Variants in GLT1D1 observed in about 807,000 individuals in gnomAD.
GLT1D1 encodes the protein glycosyltransferase 1 domain containing 1, also known as glycosyltransferase 1 domain-containing protein 1.
GLT1D1 carries 21 observed loss-of-function variants against 28.7 expected under a neutral mutation model. The observed-to-expected ratio is 0.73, with a 90% CI of 0.52 to 1.05. The LOEUF is 1.05. Among genes scored for constraint, GLT1D1 ranks in the 50% least tolerant of loss-of-function variants. The pLI is 0.00. For missense variants in GLT1D1, 343 were observed against 330.6 expected (o/e 1.04, Z -0.29); for synonymous variants, 147 against 124.8 (o/e 1.18, Z -1.19).
chr12:128,902,755 AAAT>A (rs1870422999), intron 4 of GLT1D1, among the ~76,000 whole-genome samples: 1 of 151,604 alleles, frequency 6.6e-6, no homozygotes, highest in Non-Finnish European at 1.5e-5. Context: ...GACATTAAAG[AAAT>A]AATTGCCAGG....
intron 1 of GLT1D1, among the ~76,000 whole-genome samples, chr12:128,862,574 G>A (rs1362557498): frequency 1.3e-5 from 2 of 152,178 alleles, no homozygotes; most frequent in Non-Finnish European, 2.9e-5. Flanking sequence ...GCCCAGGGAA[G>A]TTGAGGCTGT....
chr12:128,936,298 G>C (rs2135469891), intron 4 of GLT1D1, among the ~76,000 whole-genome samples: 1 of 152,030 alleles, frequency 6.6e-6, no homozygotes, highest in South Asian at 2.1e-4. Flanking sequence ...GGGACTACAG[G>C]CACCCGCCAC....
At chr12:128,905,682 T>A (rs903408897) in intron 4 of GLT1D1, among the ~76,000 whole-genome samples, 1 of 152,224 alleles carries the variant, frequency 6.6e-6, no homozygotes, top group African/African-American at 2.4e-5. Flanking sequence ...ACATTGTACC[T>A]ACTTTGTAAA....
intron 1 of GLT1D1, among the ~76,000 whole-genome samples, chr12:128,857,800 C>T (rs1456944448): frequency 1.3e-5 from 2 of 152,166 alleles, no homozygotes. Flanking sequence ...AGAAGGGGTT[C>T]TATTCTTGCA....
intron 6 of GLT1D1, among the ~76,000 whole-genome samples, chr12:128,953,663 G>T (rs1055845274): frequency 6.6e-6 from 1 of 151,808 alleles, no homozygotes; most frequent in Non-Finnish European, 1.5e-5. Context: ...AGTGAATTTT[G>T]TGTGTGTGGA....
rs1566101339 is a variant in GLT1D1, at chr12:128,883,588, T to TA, written c.218-5051_218-5050insA. ...CTGGGCGACAGAGCTAGACTCCATC[T>TA]CAAAAAAAAAAAAAAAAAAAAGTAG... is the stretch of plus-strand genomic sequence containing the variant. On this transcript the variant is annotated intron_variant, in intron 2 of 7. Transcript: ENST00000281703. Among the ~76,000 whole-genome samples, 703 of 91,122 alleles carry TA rather than the reference T, an allele frequency of 7.7e-3. 3 individuals are homozygous for TA. Among genetic ancestry groups the TA allele is most frequent in the African/African-American group, 0.034 (660 of 19,524 alleles). The allele number at this position is 91,122 out of a possible 152,430, so 59.8% of individuals were successfully genotyped here.
intron 7 of GLT1D1, among the ~76,000 whole-genome samples, chr12:128,970,784 C>G (rs1014438971): frequency 6.6e-6 from 1 of 152,230 alleles, no homozygotes; most frequent in Non-Finnish European, 1.5e-5. Context: ...TGGGTTTCCT[C>G]TGTCCCCGCA....
intron 7 of GLT1D1, among the ~76,000 whole-genome samples, chr12:128,964,878 A>G (rs11613790): frequency 0.1 from 15,351 of 152,210 alleles, 1,013 homozygotes; most frequent in East Asian, 0.17. Flanking sequence ...AGTAGAGGGA[A>G]TCACCTGGGC....
At chr12:128,978,081 G>A (rs750311927) in intron 7 of GLT1D1, among the ~76,000 whole-genome samples, 5 of 151,820 alleles carry the variant, frequency 3.3e-5, no homozygotes, top group South Asian at 2.1e-4. Context: ...CCCCGCACCC[G>A]GCCTGTGAGT....
intron 1 of GLT1D1, among the ~76,000 whole-genome samples, chr12:128,868,126 G>A (rs763124118): frequency 7.2e-5 from 11 of 152,248 alleles, no homozygotes; most frequent in Non-Finnish European, 1.3e-4. Flanking sequence ...TTTTCCAGCA[G>A]AGGACAGGGA....
chr12:128,947,465 A>T lies in GLT1D1; in HGVS notation c.540+7A>T. On this transcript the variant is annotated splice_region_variant and intron_variant, in intron 6 of 7. Transcript: ENST00000281703. ...GTCAGCTGCAATTTTGGAGGTAATT[A>T]TGTAACTCGAGTACTGAAAGTGGGA... 6.2e-7 allele frequency: 1 copy of T among 1,614,158 alleles called. No individual in the cohort carries two copies. The highest frequency in any genetic ancestry group is 8.5e-7 in the Non-Finnish European group (1 of 1,180,010).
At chr12:128,874,242 C>T (rs527760137) in intron 1 of GLT1D1, among the ~76,000 whole-genome samples, 35 of 149,708 alleles carry the variant, frequency 2.3e-4, no homozygotes, top group African/African-American at 7.7e-4. Context: ...AGTGCAGTGG[C>T]ACGATCTTGG....
intron 6 of GLT1D1, among the ~76,000 whole-genome samples, chr12:128,954,945 C>T (rs191577191): frequency 1.3e-5 from 2 of 152,296 alleles, no homozygotes; most frequent in South Asian, 2.1e-4. Context: ...CAGAGTGAGA[C>T]CCTGTCCCCT....
chr12:128,944,819 T>TATAA, intron 4 of GLT1D1: 2 of 241,676 alleles, frequency 8.3e-6, no homozygotes, highest in Non-Finnish European at 1.6e-5. Context: ...TATATATATA[T>TATAA]AAAGTTCTGG....
Position 128,956,171 on chromosome 12 carries a change from A to AAAAAAAAAAAAAAAAAAAAAAAAAG in GLT1D1, c.541-1373_541-1372insAAAAAAAAAAAAAAAAAAAAAAAGA, listed in dbSNP as rs374597920. On this transcript the variant is annotated intron_variant, in intron 6 of 7. Coordinates refer to ENST00000281703, the MANE Select transcript of GLT1D1 (RefSeq NM_144669.3). ...GAGACTCCATCTCAAAAAAAAAAAA[A>AAAAAAAAAAAAAAAAAAAAAAAAAG]AGAGAAAGAGAGAAAGAAAGAAAGA... 4.2e-4 allele frequency among the ~76,000 whole-genome samples: 27 copies of AAAAAAAAAAAAAAAAAAAAAAAAAG among 63,970 alleles called. 1 individual carries two copies. The highest frequency in any genetic ancestry group is 1.2e-3 in the East Asian group (3 of 2,448). 42.0% of individuals were successfully genotyped at this position (63,970 alleles called of 152,430 possible). A position where few individuals can be genotyped will look rare whatever the true frequency, so the allele number is the denominator to read the frequency against.
At position 128,982,316 on chromosome 12, in the gene GLT1D1, C is replaced by T. The variant is rs367995930; in HGVS notation, c.640-613C>T. ...GAAATGTGGTGCTCAGAGAGGCTCACTAGCTTGCCCAAGGCCACACAGCAA... is the reference window on the plus strand; with the variant it reads ...GAAATGTGGTGCTCAGAGAGGCTCATTAGCTTGCCCAAGGCCACACAGCAA... On this transcript the variant is annotated intron_variant, in intron 7 of 7. Transcript: ENST00000281703. Among the ~76,000 whole-genome samples, 29 of 152,322 alleles carry T rather than the reference C, an allele frequency of 1.9e-4. No homozygotes were observed. The South Asian group carries it at 2.1e-3, about 11-fold the overall frequency.
intron 2 of GLT1D1, among the ~76,000 whole-genome samples, chr12:128,882,663 A>G (rs1051767985): frequency 6.6e-6 from 1 of 152,116 alleles, no homozygotes; most frequent in African/African-American, 2.4e-5. Context: ...AACACATTAT[A>G]TTTGTTTCTC....
intron 7 of GLT1D1, among the ~76,000 whole-genome samples, chr12:128,957,931 C>T (rs556369294): frequency 1.3e-5 from 2 of 152,348 alleles, no homozygotes; most frequent in East Asian, 1.9e-4. Context: ...ATTTCTGAAA[C>T]GTGCACTCTC....
chr12:128,882,258 T>TATATA (rs1239396034), intron 2 of GLT1D1, among the ~76,000 whole-genome samples: 1 of 151,696 alleles, frequency 6.6e-6, no homozygotes, highest in Non-Finnish European at 1.5e-5. Context: ...TACGGATATA[T>TATATA]TGCAGGTATA....
Sources: gnomAD v4.1 joint callset for allele counts (sites outside exome capture counted in the v4.1 genomes callset) on GRCh38, gnomAD v4.1.1 for gene constraint, MANE v1.5 for transcripts, NCBI Gene and HGNC (gene_info 2026-07-23, HGNC 2026-07-21) for gene names.